The following NOP58 variants were observed in gnomAD, a reference collection of about 807,000 sequenced individuals.
NOP58 encodes NOP58 ribonucleoprotein.
In NOP58, 44 loss-of-function variants were observed where a neutral mutation model predicts 71.2. The ratio of observed to expected loss-of-function variants is 0.62; its 90% CI spans 0.49 to 0.79. The LOEUF is 0.79. Among genes scored for constraint, NOP58 ranks in the 30% least tolerant of loss-of-function variants. The pLI, the probability that NOP58 is intolerant of heterozygous loss-of-function variation, is 0.00. For missense variants in NOP58, 538 were observed against 620.2 expected (o/e 0.87, Z 1.41); for synonymous variants, 228 against 200.3 (o/e 1.14, Z -1.17).
chr2:202,287,214 G>A lies in NOP58; in HGVS notation c.435-446G>A, dbSNP rs115940200. ...CCTCCAGAGTAGCTGAGATTCAGGCGTGCCCCACCATGCCTGGCTAATTTT... is the reference window on the plus strand; with the variant it reads ...CCTCCAGAGTAGCTGAGATTCAGGCATGCCCCACCATGCCTGGCTAATTTT... On this transcript the variant is annotated intron_variant, in intron 5 of 14. Coordinates refer to ENST00000264279, the MANE Select transcript of NOP58 (RefSeq NM_015934.5). 3.8e-3 allele frequency among the ~76,000 whole-genome samples: 583 copies of A among 151,938 alleles called. 9 individuals are homozygous for A. The highest frequency in any genetic ancestry group is 0.014 in the African/African-American group (565 of 41,456).
At chr2:202,275,072 C>A in intron 1 of NOP58, 41 bp from the exon 2 acceptor site, 2 of 995,500 alleles carry the variant, frequency 2.0e-6, no homozygotes, top group Non-Finnish European at 3.1e-6. Flanking sequence ...TATGCCTCAC[C>A]TGTACCATTT....
Position 202,297,825 on chromosome 2 carries a change from AT to A in NOP58, c.1207-15del. 2 of 1,403,116 alleles carry A rather than the reference AT, an allele frequency of 1.4e-6. No homozygotes were observed. The highest frequency in any genetic ancestry group is 2.0e-6 in the Non-Finnish European group (2 of 1,010,720). The allele number at this position is 1,403,116 out of a possible 1,614,324, so 86.9% of individuals were successfully genotyped here. A position where few individuals can be genotyped will look rare whatever the true frequency, so the allele number is the denominator to read the frequency against. ...ATTATGACTTAGAAGTGTATTTGTA[AT>A]TTTTCGTTTTCTTCTTAGATAAGAA... On this transcript the variant is annotated intron_variant, in intron 11 of 14. Coordinates refer to ENST00000264279, the MANE Select transcript of NOP58 (RefSeq NM_015934.5).
At chr2:202,266,037 G>A (rs760228758) in intron 1 of NOP58, 51 bp downstream of exon 1, 187 of 1,596,528 alleles carry the variant, frequency 1.2e-4, no homozygotes, top group Non-Finnish European at 1.5e-4. Context: ...CTGGACAGAC[G>A]AGGAGAGGGA....
intron 5 of NOP58, among the ~76,000 whole-genome samples, chr2:202,286,095 T>C (rs1379513224): frequency 7.2e-6 from 1 of 138,668 alleles, no homozygotes; most frequent in Non-Finnish European, 1.5e-5. Flanking sequence ...GGCAGGAGAA[T>C]GGCGTGAACC....
Position 202,300,326 on chromosome 2 carries a change from T to C in NOP58, c.1361T>C (p.Ile454Thr), listed in dbSNP as rs751155094. ...GAACAGGTAGATAAAGAGGATGAAA[T>C]TACTGAAAAGAAAGCCAAAAAAGCC... ...KIEQVDKEDE[I>T]TEKKAKKAKI... Residue 454 changes from isoleucine to threonine, a missense_variant, in exon 13 of 15, where the codon ATT becomes ACT. By Grantham distance (89) the Ile-to-Thr change is moderately conservative. Transcript: ENST00000264279. The C allele has an allele frequency of 3.1e-6, 5 of 1,594,786 alleles. No individual in the cohort carries two copies. Among genetic ancestry groups the C allele is most frequent in the African/African-American group, 2.7e-5 (2 of 73,558 alleles).
chr2:202,293,916 T>G (rs185803252), intron 9 of NOP58, among the ~76,000 whole-genome samples: 4 of 152,100 alleles, frequency 2.6e-5, no homozygotes, highest in Non-Finnish European at 2.9e-5. Flanking sequence ...AAAGGTTTCA[T>G]TCAAATGCCC....
chr2:202,286,265 G>A (rs950472653), intron 5 of NOP58, among the ~76,000 whole-genome samples: 26 of 151,374 alleles, frequency 1.7e-4, no homozygotes, highest in Non-Finnish European at 3.1e-4. Context: ...AGCACTTTGC[G>A]AGGCTGAGGC....
In NOP58 at chr2:202,297,432, T is replaced by C; in HGVS notation, c.1125T>C (p.Phe375=). Residue 375 remains phenylalanine (F), a synonymous_variant, in exon 11 of 15, where the codon TTT becomes TTC. Coordinates refer to ENST00000264279, the MANE Select transcript of NOP58 (RefSeq NM_015934.5). ...TTTTGGCTATCCGTTATGATGCTTTTGGTGAGGATTCAAGTTCTGCAATGG... is the reference window on the plus strand; with the variant it reads ...TTTTGGCTATCCGTTATGATGCTTTCGGTGAGGATTCAAGTTCTGCAATGG... ...KTVLAIRYDA[F]GEDSSSAMGV... 6.2e-7 allele frequency: 1 copy of C among 1,614,042 alleles called. No individual in the cohort carries two copies. Among genetic ancestry groups the C allele is most frequent in the Non-Finnish European group, 8.5e-7 (1 of 1,179,914 alleles).
intron 3 of NOP58, among the ~76,000 whole-genome samples, chr2:202,281,084 A>G (rs1688693179): frequency 6.6e-6 from 1 of 151,588 alleles, no homozygotes; most frequent in South Asian, 2.1e-4. Context: ...GACCTTGGAA[A>G]TTGTTGATAG....
chr2:202,302,792 A>G, intron 13 of NOP58, 129 bp from the exon 14 acceptor site: 1 of 1,302,508 alleles, frequency 7.7e-7, no homozygotes, highest in Non-Finnish European at 1.0e-6. Flanking sequence ...TCCCAATTAT[A>G]AAATAAACAA....
intron 8 of NOP58, among the ~76,000 whole-genome samples, chr2:202,291,995 TTTTTTTTTTG>T (rs1177666300): frequency 8.1e-5 from 9 of 110,496 alleles, no homozygotes; most frequent in African/African-American, 3.4e-4. Context: ...TTTTTTTTTT[TTTTTTTTTTG>T]AGACAGAGTC....
At position 202,287,672 on chromosome 2, in the gene NOP58, T is replaced by C. The variant is rs1412968481; in HGVS notation, c.447T>C (p.Tyr149=). The change falls in exon 6 of 15, where the codon TAT becomes TAC. Residue 149 remains tyrosine, a synonymous_variant. Transcript: ENST00000264279. ...CLGLAHSLSR[Y]RLKFSADKVD... ...CCTTTCTTCCCAGCCTGTCTCGATA[T>C]AGATTGAAGTTTAGCGCTGATAAAG... 2.5e-6 allele frequency: 4 copies of C among 1,612,518 alleles called. No homozygotes were observed. The highest frequency in any genetic ancestry group is 3.4e-6 in the Non-Finnish European group (4 of 1,178,656).
chr2:202,286,799 AT>A (rs1688795546), intron 5 of NOP58, among the ~76,000 whole-genome samples: 1 of 152,140 alleles, frequency 6.6e-6, no homozygotes, highest in African/African-American at 2.4e-5. Flanking sequence ...GGTTGTCACA[AT>A]TGGAGGTGGG....
intron 12 of NOP58, among the ~76,000 whole-genome samples, chr2:202,298,700 C>G (rs1204315947): frequency 6.6e-6 from 1 of 152,098 alleles, no homozygotes; most frequent in Non-Finnish European, 1.5e-5. Context: ...AGACAGAAAA[C>G]AAGTCTAAAG....
rs1004605013 is a variant in NOP58, at chr2:202,292,808, T to C, written c.812T>C (p.Leu271Pro). Residue 271 changes from leucine to proline, a missense_variant, in exon 9 of 15, where the codon CTC becomes CCC. Transcript: ENST00000264279. ...VIEISEYRTQ[L>P]YEYLQNRMMA... ...GAAATCTCTGAATATCGAACCCAGC[T>C]CTATGAATATCTACAAAATCGAATG... The C allele has an allele frequency of 6.2e-7, 1 of 1,612,424 alleles. No homozygotes were observed. The highest frequency in any genetic ancestry group is 8.5e-7 in the Non-Finnish European group (1 of 1,178,548).
chr2:202,292,836 G>T lies in NOP58; in HGVS notation c.840G>T (p.Met280Ile). Residue 280 changes from methionine to isoleucine, a missense_variant, in exon 9 of 15, where the codon ATG becomes ATT. Met to Ile is a conservative substitution (Grantham distance 10). Coordinates refer to ENST00000264279, the MANE Select transcript of NOP58 (RefSeq NM_015934.5). ...ATGAATATCTACAAAATCGAATGAT[G>T]GCCATTGCACCCAATGTTACAGTCA... The part of the protein sequence containing the change: ...QLYEYLQNRM[M>I]AIAPNVTVMV... The T allele has an allele frequency of 6.2e-7, 1 of 1,612,854 alleles. No individual in the cohort carries two copies. The highest frequency in any genetic ancestry group is 8.5e-7 in the Non-Finnish European group (1 of 1,178,808).
In NOP58 at chr2:202,277,815, C is replaced by G. The variant is rs1688630555; in HGVS notation, c.123-135C>G. ...TATGAAGAATATCTAACTTCACACC[C>G]TGATACACAATGGTAGGCATGTTTT... On this transcript the variant is annotated intron_variant, in intron 2 of 14. Coordinates refer to ENST00000264279, the MANE Select transcript of NOP58 (RefSeq NM_015934.5). The G allele has an allele frequency of 1.9e-5, 12 of 628,834 alleles. No homozygotes were observed. In the South Asian group the frequency reaches 2.2e-4, roughly 11 times the overall value. 39.0% of individuals were successfully genotyped at this position (628,834 alleles called of 1,614,324 possible).
chr2:202,278,166 C>T (rs561111198), intron 3 of NOP58, 164 bp downstream of exon 3: 8 of 722,046 alleles, frequency 1.1e-5, no homozygotes, highest in East Asian at 2.6e-5. Context: ...CTGACTCATT[C>T]GTCACTACCA....
At chr2:202,301,788 C>T (rs1228492712) in intron 13 of NOP58, among the ~76,000 whole-genome samples, 4 of 152,152 alleles carry the variant, frequency 2.6e-5, no homozygotes, top group Admixed American at 6.5e-5. Context: ...ATCATTCATT[C>T]ACTCCCTCAC....
Sources: allele counts gnomAD v4.1 joint callset (sites outside exome capture counted in the v4.1 genomes callset), GRCh38; gene constraint gnomAD v4.1.1; transcripts MANE v1.5; gene names NCBI Gene and HGNC (gene_info 2026-07-23, HGNC 2026-07-21).